Variants in SEL1L observed in about 807,000 individuals in gnomAD.
The protein encoded by SEL1L is SEL1L adaptor subunit of SYVN1 ubiquitin ligase.
In SEL1L, 52 loss-of-function variants were observed where a neutral mutation model predicts 109.8. That is an observed-to-expected ratio of 0.47 (90% CI 0.38 to 0.60). The LOEUF (loss-of-function observed/expected upper bound fraction) is 0.60, where lower values mean the gene tolerates loss of function less well. SEL1L is among the 20% of genes least tolerant of loss of function. The pLI is 0.00. For missense variants in SEL1L, 749 were observed against 962.2 expected (o/e 0.78, Z 2.93); for synonymous variants, 373 against 339.6 (o/e 1.10, Z -1.08).
intron 5 of SEL1L, 50 bp from the exon 6 acceptor site, chr14:81,502,933 C>A: frequency 6.7e-7 from 1 of 1,486,108 alleles, no homozygotes; most frequent in South Asian, 1.3e-5. Flanking sequence ...TTGAAACTGC[C>A]ATTAAGTTTT....
intron 20 of SEL1L, among the ~76,000 whole-genome samples, chr14:81,478,321 G>A (rs1438332056): frequency 6.6e-6 from 1 of 152,082 alleles, no homozygotes; most frequent in Non-Finnish European, 1.5e-5. Context: ...ACTTTCTTAT[G>A]ATCGATACTT....
At chr14:81,524,226 T>A (rs145047373) in intron 3 of SEL1L, among the ~76,000 whole-genome samples, 1 of 152,236 alleles carries the variant, frequency 6.6e-6, no homozygotes, top group African/African-American at 2.4e-5. Flanking sequence ...CCAAAACCCC[T>A]AGGCAAAAGA....
intron 3 of SEL1L, among the ~76,000 whole-genome samples, chr14:81,515,083 A>G (rs1178266479): frequency 6.6e-6 from 1 of 152,084 alleles, no homozygotes; most frequent in Non-Finnish European, 1.5e-5. Flanking sequence ...TCCCCTTCCT[A>G]TTAATGATAA....
intron 9 of SEL1L, 32 bp downstream of exon 9, chr14:81,498,381 T>G (rs1488594668): frequency 6.5e-7 from 1 of 1,528,226 alleles, no homozygotes; most frequent in East Asian, 2.2e-5. Flanking sequence ...TTATTTTTTT[T>G]TCCTAAAAGG....
intron 20 of SEL1L, among the ~76,000 whole-genome samples, chr14:81,479,034 CAA>C (rs1036723095): frequency 6.6e-6 from 1 of 152,104 alleles, no homozygotes; most frequent in African/African-American, 2.4e-5. Context: ...TGGCAGAACC[CAA>C]GAGTACCTAC....
chr14:81,519,502 G>A (rs932595887), intron 3 of SEL1L, among the ~76,000 whole-genome samples: 2 of 152,188 alleles, frequency 1.3e-5, no homozygotes, highest in East Asian at 1.9e-4. Flanking sequence ...CACCTAAAGG[G>A]GAGTGGCAGA....
intron 19 of SEL1L, among the ~76,000 whole-genome samples, chr14:81,481,033 T>C (rs1267914051): frequency 6.6e-6 from 1 of 152,152 alleles, no homozygotes; most frequent in Admixed American, 6.5e-5. Flanking sequence ...CCGGAAGAGA[T>C]ACCTTGAAAT....
chr14:81,496,748 AT>A (rs1032351001), intron 10 of SEL1L, among the ~76,000 whole-genome samples: 2 of 151,236 alleles, frequency 1.3e-5, no homozygotes, highest in African/African-American at 4.9e-5. Flanking sequence ...AAATAAAAAA[AT>A]AAATAAAAAG....
intron 3 of SEL1L, among the ~76,000 whole-genome samples, chr14:81,506,817 T>C (rs1884258460): frequency 6.6e-6 from 1 of 152,340 alleles, no homozygotes; most frequent in East Asian, 1.9e-4. Flanking sequence ...ATTTATTCTA[T>C]AAATTATTTA....
At chr14:81,521,272 G>A (rs1048202608) in intron 3 of SEL1L, among the ~76,000 whole-genome samples, 4 of 152,062 alleles carry the variant, frequency 2.6e-5, no homozygotes, top group African/African-American at 9.7e-5. Context: ...AAGCAATCTG[G>A]GTTCCTTGGA....
rs764938694 is a variant in SEL1L at position 81,476,938 on chromosome 14, C to T, written c.*34G>A. On this transcript the variant is annotated 3_prime_UTR_variant, in exon 21 of 21. Coordinates refer to ENST00000336735, the MANE Select transcript of SEL1L (RefSeq NM_005065.6). ...AGTGTTCCCAGCAGATAACTTCCTTCGCTGTCACTGATCAAGGCTGGACCC... is the reference window on the plus strand; with the variant it reads ...AGTGTTCCCAGCAGATAACTTCCTTTGCTGTCACTGATCAAGGCTGGACCC... 31 of 1,605,540 alleles carry T rather than the reference C, an allele frequency of 1.9e-5. No individual in the cohort carries two copies. Among genetic ancestry groups the T allele is most frequent in the Middle Eastern group, 1.7e-4 (1 of 5,846 alleles).
rs1903069172 is a variant in SEL1L, at chr14:81,473,628, T to C, written c.*3344A>G. ...ACAAATATCAGCTGTCACTGAAATA[T>C]AGCCCTGCTTGTCTTGGCAGGTAAA... On this transcript the variant is annotated 3_prime_UTR_variant, in exon 21 of 21. Coordinates refer to ENST00000336735, the MANE Select transcript of SEL1L (RefSeq NM_005065.6). 1 of 152,218 alleles carries C rather than the reference T, an allele frequency of 6.6e-6. No homozygotes were observed. Among genetic ancestry groups the C allele is most frequent in the Admixed American group, 6.5e-5 (1 of 15,280 alleles). 9.4% of individuals were successfully genotyped at this position (152,218 alleles called of 1,614,324 possible).
At chr14:81,500,273 G>A (rs886989403) in intron 6 of SEL1L, among the ~76,000 whole-genome samples, 3 of 151,706 alleles carry the variant, frequency 2.0e-5, no homozygotes, top group African/African-American at 7.3e-5. Context: ...TTGCTCTGTC[G>A]CCTAGGCTGG....
chr14:81,488,926 A>G lies in SEL1L; in HGVS notation c.1395+326T>C, dbSNP rs528023183. On this transcript the variant is annotated intron_variant, in intron 14 of 20. Transcript: ENST00000336735. ...ATGGAAGGCAGTTATGCATTTTGTCAGGATTGAGTAAAAAAGCAGGCAAGG... is the reference window on the plus strand; with the variant it reads ...ATGGAAGGCAGTTATGCATTTTGTCGGGATTGAGTAAAAAAGCAGGCAAGG... 14 of 308,258 alleles carry G rather than the reference A, an allele frequency of 4.5e-5. No homozygotes were observed. In the South Asian group the frequency reaches 5.4e-4, roughly 12 times the overall value. The allele number at this position is 308,258 out of a possible 1,614,324, so 19.1% of individuals were successfully genotyped here. A position where few individuals can be genotyped will look rare whatever the true frequency, so the allele number is the denominator to read the frequency against.
rs549920023 is a variant in SEL1L at position 81,508,993 on chromosome 14, G to A, written c.341-2752C>T. Reference sequence around the variant, plus strand: ...GATTCAGCACTGACATAAGGAGGAAGAATCCTCAGGAGGCACTTGCTTCAT... The same window carrying A: ...GATTCAGCACTGACATAAGGAGGAAAAATCCTCAGGAGGCACTTGCTTCAT... On this transcript the variant is annotated intron_variant, in intron 3 of 20. Transcript: ENST00000336735. Among the ~76,000 whole-genome samples the A allele has an allele frequency of 5.3e-5, 8 of 152,338 alleles. No homozygotes were observed. The East Asian group carries it at 1.5e-3, about 29-fold the overall frequency.
rs149557623 is a variant in SEL1L at position 81,488,167 on chromosome 14, A to G, written c.1396-225T>C. ...AAGTAAATAGAGTTTTTGTGAAACA[A>G]TTTGTATGCTGCTCTCAGAAAGCAT... On this transcript the variant is annotated intron_variant, in intron 14 of 20. Transcript: ENST00000336735. Among the ~76,000 whole-genome samples the G allele has an allele frequency of 9.5e-3, 1,445 of 152,338 alleles. 7 individuals carry two copies. The highest frequency in any genetic ancestry group is 0.015 in the Non-Finnish European group (1,030 of 68,020).
At chr14:81,505,361 C>A (rs1197596763) in intron 4 of SEL1L, among the ~76,000 whole-genome samples, 1 of 152,054 alleles carries the variant, frequency 6.6e-6, no homozygotes, top group African/African-American at 2.4e-5. Context: ...TCATTAGAAC[C>A]AGTATTTATA....
intron 10 of SEL1L, among the ~76,000 whole-genome samples, chr14:81,497,000 A>G (rs1883788051): frequency 6.6e-6 from 1 of 152,228 alleles, no homozygotes; most frequent in Non-Finnish European, 1.5e-5. Flanking sequence ...GAAGAGATGC[A>G]ACAGGAAAAA....
intron 12 of SEL1L, among the ~76,000 whole-genome samples, chr14:81,490,771 T>G (rs10131720): frequency 0.025 from 3,807 of 152,094 alleles, 155 homozygotes; most frequent in African/African-American, 0.087. Flanking sequence ...CGTGGTGGCG[T>G]GTGCCTGTAA....
Sources: gnomAD v4.1 joint callset for allele counts (sites outside exome capture counted in the v4.1 genomes callset) on GRCh38, gnomAD v4.1.1 for gene constraint, MANE v1.5 for transcripts, NCBI Gene and HGNC (gene_info 2026-07-23, HGNC 2026-07-21) for gene names.